Variants in CNTNAP2 observed in about 807,000 individuals in gnomAD.
CNTNAP2 encodes the protein contactin associated protein 2.
CNTNAP2 carries 98 observed loss-of-function variants against 155.2 expected under a neutral mutation model. The observed-to-expected ratio is 0.63, with a 90% CI of 0.54 to 0.75. The LOEUF (loss-of-function observed/expected upper bound fraction) is 0.75, where lower values mean the gene tolerates loss of function less well. CNTNAP2 is among the 30% of genes least tolerant of loss of function. CNTNAP2 has a pLI of 0.00. For synonymous variants in CNTNAP2, 651 were observed against 631.2 expected (o/e 1.03, Z -0.47); for missense variants, 1,727 against 1,688.1 (o/e 1.02, Z -0.40).
intron 2 of CNTNAP2, among the ~76,000 whole-genome samples, chr7:146,781,211 G>A (rs146714461): frequency 0.018 from 2,609 of 145,742 alleles, 38 homozygotes; most frequent in Non-Finnish European, 0.029. Flanking sequence ...CTGGGTGACA[G>A]AGCGAGACTC....
chr7:147,421,585 C>CTGTGTGTGTGTGTGTGTGTG (rs55983110), intron 10 of CNTNAP2, among the ~76,000 whole-genome samples: 5,724 of 143,474 alleles, frequency 0.04, 190 homozygotes, highest in African/African-American at 0.078. Context: ...TCTATCTAAT[C>CTGTGTGTGTGTGTGTGTGTG]TGTGTGTGTG....
At chr7:147,372,335 C>T (rs570800825) in intron 9 of CNTNAP2, among the ~76,000 whole-genome samples, 84 of 152,178 alleles carry the variant, frequency 5.5e-4, no homozygotes, top group African/African-American at 1.1e-3. Flanking sequence ...TGAATGTTCT[C>T]GAGAGACCAC....
intron 1 of CNTNAP2, among the ~76,000 whole-genome samples, chr7:146,206,778 C>T (rs953214079): frequency 6.6e-6 from 1 of 151,934 alleles, no homozygotes; most frequent in African/African-American, 2.4e-5. Context: ...TCAACAACAA[C>T]ACTTTCAGAT....
At chr7:147,123,722 C>T (rs768116164) in intron 6 of CNTNAP2, among the ~76,000 whole-genome samples, 2 of 152,126 alleles carry the variant, frequency 1.3e-5, no homozygotes, top group Non-Finnish European at 2.9e-5. Flanking sequence ...AAAGGGACTC[C>T]CTTTGCTTAT....
chr7:146,362,120 T>A (rs999956254), intron 1 of CNTNAP2, among the ~76,000 whole-genome samples: 1 of 152,166 alleles, frequency 6.6e-6, no homozygotes, highest in African/African-American at 2.4e-5. Flanking sequence ...TTTCTATGGA[T>A]CTTACTCTTT....
At chr7:146,161,484 T>C (rs1349263808) in intron 1 of CNTNAP2, among the ~76,000 whole-genome samples, 1 of 152,186 alleles carries the variant, frequency 6.6e-6, no homozygotes, top group African/African-American at 2.4e-5. Flanking sequence ...CAAGGAGAAC[T>C]ACAAACCACT....
intron 1 of CNTNAP2, among the ~76,000 whole-genome samples, chr7:146,604,825 C>CA (rs1211781218): frequency 1.6e-4 from 23 of 144,530 alleles, no homozygotes; most frequent in Middle Eastern, 7.1e-3. Context: ...ATCGCAGGGA[C>CA]AAAAAACCAA....
chr7:147,256,562 G>C (rs1006420941), intron 8 of CNTNAP2, among the ~76,000 whole-genome samples: 6 of 152,206 alleles, frequency 3.9e-5, no homozygotes, highest in African/African-American at 1.4e-4. Context: ...CCTGGACTAA[G>C]TGGTATTAAA....
chr7:146,375,230 C>A (rs1406990708), intron 1 of CNTNAP2, among the ~76,000 whole-genome samples: 1 of 152,196 alleles, frequency 6.6e-6, no homozygotes, highest in African/African-American at 2.4e-5. Flanking sequence ...ATTGCTTTTA[C>A]TTTCCTGGTT....
At chr7:146,620,379 C>A (rs2129156203) in intron 1 of CNTNAP2, among the ~76,000 whole-genome samples, 1 of 152,280 alleles carries the variant, frequency 6.6e-6, no homozygotes, top group South Asian at 2.1e-4. Flanking sequence ...CAATGCAGTA[C>A]ATTGATAATT....
intron 4 of CNTNAP2, among the ~76,000 whole-genome samples, chr7:147,075,095 C>G (rs1028893706): frequency 3.3e-5 from 5 of 151,990 alleles, no homozygotes; most frequent in African/African-American, 4.8e-5. Flanking sequence ...TCAAAAGGAC[C>G]CTTCACAGTT....
chr7:146,588,992 A>C (rs542324012), intron 1 of CNTNAP2, among the ~76,000 whole-genome samples: 2 of 152,302 alleles, frequency 1.3e-5, no homozygotes, highest in African/African-American at 4.8e-5. Flanking sequence ...TGTCACTATA[A>C]TTATTACAGG....
chr7:147,465,568 A>G (rs1798106853), intron 10 of CNTNAP2, among the ~76,000 whole-genome samples: 1 of 152,392 alleles, frequency 6.6e-6, no homozygotes, highest in East Asian at 1.9e-4. Flanking sequence ...ATATGTCTAA[A>G]TGGCAAATTG....
At chr7:147,208,371 G>T (rs560153759) in intron 8 of CNTNAP2, among the ~76,000 whole-genome samples, 9 of 152,154 alleles carry the variant, frequency 5.9e-5, no homozygotes, top group African/African-American at 2.2e-4. Flanking sequence ...TGTTCAAAAT[G>T]CAATTATCTC....
chr7:147,594,672 C>T (rs1800796477), intron 12 of CNTNAP2, among the ~76,000 whole-genome samples: 1 of 152,062 alleles, frequency 6.6e-6, no homozygotes, highest in Non-Finnish European at 1.5e-5. Flanking sequence ...TATTATTGTT[C>T]TCAGCTTTGA....
chr7:146,843,596 C>CAAAAAAAAAAAA (rs10639255), intron 3 of CNTNAP2, among the ~76,000 whole-genome samples: 2 of 126,558 alleles, frequency 1.6e-5, no homozygotes, highest in Admixed American at 8.3e-5. Context: ...CTTACTAATA[C>CAAAAAAAAAAAA]AAAAAAAAAA....
At chr7:147,110,393 A>G (rs765774691) in intron 5 of CNTNAP2, among the ~76,000 whole-genome samples, 5 of 151,918 alleles carry the variant, frequency 3.3e-5, no homozygotes, top group Non-Finnish European at 7.4e-5. Context: ...AAGTTCATGA[A>G]TGCATGGGCA....
intron 13 of CNTNAP2, among the ~76,000 whole-genome samples, chr7:147,696,792 G>A (rs1002313109): frequency 1.3e-5 from 2 of 151,424 alleles, no homozygotes. Flanking sequence ...CAGGTTGGCT[G>A]ATTTTTTTTT....
intron 1 of CNTNAP2, among the ~76,000 whole-genome samples, chr7:146,164,831 A>G (rs1184878167): frequency 1.3e-5 from 2 of 152,144 alleles, no homozygotes; most frequent in African/African-American, 4.8e-5. Context: ...TTGTGTTTAG[A>G]TCTCATCTTT....
Sources: gnomAD v4.1 joint callset for allele counts (sites outside exome capture counted in the v4.1 genomes callset) on GRCh38, gnomAD v4.1.1 for gene constraint, MANE v1.5 for transcripts, NCBI Gene and HGNC (gene_info 2026-07-23, HGNC 2026-07-21) for gene names.